The following GRID2 variants were observed in gnomAD, a reference collection of about 807,000 sequenced individuals.
The protein encoded by GRID2 is glutamate ionotropic receptor delta type subunit 2.
GRID2 carries 33 observed loss-of-function variants against 114.8 expected under a neutral mutation model. The ratio of observed to expected loss-of-function variants is 0.29; its 90% CI spans 0.22 to 0.38. GRID2 has a LOEUF of 0.38. Among genes scored for constraint, GRID2 ranks in the 10% least tolerant of loss-of-function variants. The pLI is 1.00. For missense variants in GRID2, 1,184 were observed against 1,257.7 expected, an observed-to-expected ratio of 0.94 and a Z score of 0.89; for synonymous variants, 505 against 449.9, an observed-to-expected ratio of 1.12 and a Z score of -1.55.
chr4:92,524,905 C>A (rs189023028), intron 1 of GRID2, among the ~76,000 whole-genome samples: 2 of 152,012 alleles, frequency 1.3e-5, no homozygotes, highest in African/African-American at 2.4e-5. Flanking sequence ...CGAATTTGTA[C>A]AGGGACATTT....
Position 92,652,810 on chromosome 4 carries a change from T to A in GRID2, c.244+62524T>A, listed in dbSNP as rs867266433. Among the ~76,000 whole-genome samples the A allele has an allele frequency of 9.0e-3, 1,230 of 136,086 alleles. 54 individuals carry two copies. Among genetic ancestry groups the A allele is most frequent in the African/African-American group, 0.029 (1,074 of 36,940 alleles). The allele number at this position is 136,086 out of a possible 152,430, so 89.3% of individuals were successfully genotyped here. ...GGCCAAGATGGTGAAAAAAAAAATA[T>A]ATATATATATATAAATATATATAAA... On this transcript the variant is annotated intron_variant, in intron 2 of 15. Transcript: ENST00000282020.
chr4:93,043,933 A>T (rs1486373606), intron 2 of GRID2, among the ~76,000 whole-genome samples: 2 of 149,732 alleles, frequency 1.3e-5, no homozygotes, highest in Non-Finnish European at 3.0e-5. Context: ...ATATATATAA[A>T]AATAAAAAAA....
At chr4:92,393,469 C>T (rs1417560677) in intron 1 of GRID2, among the ~76,000 whole-genome samples, 1 of 152,102 alleles carries the variant, frequency 6.6e-6, no homozygotes, top group African/African-American at 2.4e-5. Flanking sequence ...CTGCACTCAA[C>T]CTACATATAC....
chr4:93,744,101 A>G (rs950056052), intron 14 of GRID2, among the ~76,000 whole-genome samples: 1 of 152,236 alleles, frequency 6.6e-6, no homozygotes, highest in African/African-American at 2.4e-5. Flanking sequence ...ATGTGGAGAC[A>G]CTGCTCAGAA....
intron 8 of GRID2, among the ~76,000 whole-genome samples, chr4:93,323,598 C>T (rs540300912): frequency 6.6e-6 from 1 of 152,218 alleles, no homozygotes; most frequent in African/African-American, 2.4e-5. Flanking sequence ...TCATTGGTAG[C>T]TTGATTGGGA....
At chr4:92,560,735 C>T (rs1579582763) in intron 1 of GRID2, among the ~76,000 whole-genome samples, 1 of 151,980 alleles carries the variant, frequency 6.6e-6, no homozygotes, top group East Asian at 1.9e-4. Context: ...AGACAGAGTG[C>T]CACTCTTGAC....
chr4:93,400,471 T>C (rs1195949343), intron 9 of GRID2, among the ~76,000 whole-genome samples: 2 of 152,126 alleles, frequency 1.3e-5, no homozygotes, highest in African/African-American at 4.8e-5. Flanking sequence ...TTCCCGTTTT[T>C]AACTTCCTGA....
At chr4:92,466,087 A>G (rs1273531321) in intron 1 of GRID2, among the ~76,000 whole-genome samples, 1 of 151,774 alleles carries the variant, frequency 6.6e-6, no homozygotes, top group Non-Finnish European at 1.5e-5. Flanking sequence ...TGCAAAAGTA[A>G]TTGCAGTTTT....
chr4:93,152,495 G>C (rs115033414), intron 4 of GRID2, among the ~76,000 whole-genome samples: 4,281 of 152,182 alleles, frequency 0.028, 86 homozygotes, highest in Middle Eastern at 0.072. Context: ...AATCAAAGAA[G>C]TACAAAATAT....
intron 2 of GRID2, among the ~76,000 whole-genome samples, chr4:92,996,339 T>C (rs956302259): frequency 1.3e-5 from 2 of 152,012 alleles, no homozygotes; most frequent in African/African-American, 4.8e-5. Context: ...CTTATTTCGA[T>C]GTTTGCTACT....
intron 2 of GRID2, among the ~76,000 whole-genome samples, chr4:92,730,114 T>A (rs992164979): frequency 6.6e-6 from 1 of 151,998 alleles, no homozygotes; most frequent in African/African-American, 2.4e-5. Flanking sequence ...CACATAGAAC[T>A]CCAGTTTATA....
At chr4:93,096,665 A>G (rs1480083315) in intron 3 of GRID2, among the ~76,000 whole-genome samples, 1 of 152,040 alleles carries the variant, frequency 6.6e-6, no homozygotes, top group Non-Finnish European at 1.5e-5. Flanking sequence ...TGCATCCACT[A>G]GATTGGCTGA....
At position 93,677,130 on chromosome 4, in the gene GRID2, C is replaced by T. The variant is rs113070240; in HGVS notation, c.2360+50695C>T. On this transcript the variant is annotated intron_variant, in intron 14 of 15. Transcript: ENST00000282020. ...AATGGCCCACCAGGAGATTATATCC[C>T]GCACCTGGCTCGGAGGGTCCTATGC... is the stretch of plus-strand genomic sequence containing the variant. Among the ~76,000 whole-genome samples, 465 of 152,314 alleles carry T rather than the reference C, an allele frequency of 3.1e-3. 2 individuals carry two copies. The highest frequency in any genetic ancestry group is 0.01 in the African/African-American group (425 of 41,560).
At chr4:93,111,467 ATT>A (rs1732755526) in intron 4 of GRID2, among the ~76,000 whole-genome samples, 1 of 152,192 alleles carries the variant, frequency 6.6e-6, no homozygotes, top group South Asian at 2.1e-4. Flanking sequence ...ACTAGTGTAC[ATT>A]TTATGATGCT....
chr4:92,800,861 A>G (rs1420157099), intron 2 of GRID2, among the ~76,000 whole-genome samples: 1 of 152,032 alleles, frequency 6.6e-6, no homozygotes, highest in Non-Finnish European at 1.5e-5. Flanking sequence ...CTAAAATCTT[A>G]AAACACAGAA....
At chr4:93,094,871 C>G (rs1017406180) in intron 3 of GRID2, among the ~76,000 whole-genome samples, 1 of 151,548 alleles carries the variant, frequency 6.6e-6, no homozygotes, top group Non-Finnish European at 1.5e-5. Context: ...TAAGTAACTA[C>G]AAATAAATAA....
chr4:92,654,528 G>GAGTC (rs930753631), intron 2 of GRID2, among the ~76,000 whole-genome samples: 3 of 151,958 alleles, frequency 2.0e-5, no homozygotes, highest in Non-Finnish European at 4.4e-5. Context: ...GAGCCAATTT[G>GAGTC]AGTCAATAAG....
chr4:93,099,777 A>G (rs898224386), intron 3 of GRID2, among the ~76,000 whole-genome samples: 1 of 151,862 alleles, frequency 6.6e-6, no homozygotes, highest in Non-Finnish European at 1.5e-5. Flanking sequence ...TTTAATTGCC[A>G]TGTGTTCTTT....
intron 2 of GRID2, among the ~76,000 whole-genome samples, chr4:92,627,328 G>A (rs751164032): frequency 4.6e-5 from 7 of 151,910 alleles, no homozygotes; most frequent in African/African-American, 1.5e-4. Context: ...AAATCTCTCC[G>A]TTTTTACCTA....
Sources: allele counts gnomAD v4.1 joint callset (sites outside exome capture counted in the v4.1 genomes callset), GRCh38; gene constraint gnomAD v4.1.1; transcripts MANE v1.5; gene names NCBI Gene and HGNC (gene_info 2026-07-23, HGNC 2026-07-21).